The following SYT16 variants were observed in gnomAD, a reference collection of about 807,000 sequenced individuals.
The protein encoded by SYT16 is synaptotagmin-16.
SYT16 carries 42 observed loss-of-function variants against 61.4 expected under a neutral mutation model. That is an observed-to-expected ratio of 0.68 (90% CI 0.53 to 0.89). The LOEUF (loss-of-function observed/expected upper bound fraction) is 0.89, where lower values mean the gene tolerates loss of function less well. SYT16 is among the 40% of genes least tolerant of loss of function. The pLI, the probability that SYT16 is intolerant of heterozygous loss-of-function variation, is 0.00. For synonymous variants in SYT16, 314 were observed against 302.3 expected (o/e 1.04, Z -0.40); for missense variants, 804 against 807.3 (o/e 1.00, Z 0.05).
intron 2 of SYT16, among the ~76,000 whole-genome samples, chr14:61,976,805 T>C (rs1045960296): frequency 1.3e-5 from 2 of 152,186 alleles, no homozygotes; most frequent in Admixed American, 6.5e-5. Flanking sequence ...GTCTTGGTGA[T>C]TAACATTTGG....
intron 3 of SYT16, among the ~76,000 whole-genome samples, chr14:62,067,800 AAAACAAAC>A (rs137880362): frequency 2.6e-4 from 39 of 151,740 alleles, no homozygotes; most frequent in East Asian, 3.9e-4. Context: ...TGTCTCTACT[AAAACAAAC>A]AAACAAACAA....
chr14:61,940,512 C>T (rs2050165917), intron 1 of SYT16, among the ~76,000 whole-genome samples: 1 of 152,106 alleles, frequency 6.6e-6, no homozygotes, highest in African/African-American at 2.4e-5. Flanking sequence ...GGCTCTGACA[C>T]AGCATTCTGC....
At chr14:61,865,189 C>T in intron 1 of SYT16, 1 of 1,152,118 alleles carries the variant, frequency 8.7e-7, no homozygotes, top group Non-Finnish European at 1.3e-6. Context: ...GTGTTTCTGT[C>T]ACTGACTATA....
intron 1 of SYT16, among the ~76,000 whole-genome samples, chr14:61,823,986 C>G (rs951378361): frequency 1.3e-5 from 2 of 152,212 alleles, no homozygotes; most frequent in African/African-American, 4.8e-5. Flanking sequence ...CAACTTAAGA[C>G]TATCCCACTC....
chr14:61,830,737 A>G (rs982218509), intron 1 of SYT16, among the ~76,000 whole-genome samples: 3 of 152,046 alleles, frequency 2.0e-5, no homozygotes, highest in African/African-American at 7.2e-5. Flanking sequence ...CCTACAGTCC[A>G]TGGTGGGTTC....
intron 1 of SYT16, among the ~76,000 whole-genome samples, chr14:61,817,217 G>A (rs988573977): frequency 6.6e-6 from 1 of 151,422 alleles, no homozygotes; most frequent in Non-Finnish European, 1.5e-5. Flanking sequence ...AGGAGTTTGC[G>A]ACCAGCCTGG....
intron 1 of SYT16, among the ~76,000 whole-genome samples, chr14:61,887,465 C>T (rs1171865858): frequency 6.6e-6 from 1 of 152,154 alleles, no homozygotes; most frequent in East Asian, 1.9e-4. Flanking sequence ...TGAAGCCAGG[C>T]GTTGATTTCT....
chr14:62,049,298 G>C (rs1349814565), intron 3 of SYT16, among the ~76,000 whole-genome samples: 10 of 151,892 alleles, frequency 6.6e-5, no homozygotes, highest in African/African-American at 1.7e-4. Flanking sequence ...AGGATTGCAA[G>C]CCCTGCCTTT....
intron 3 of SYT16, among the ~76,000 whole-genome samples, chr14:62,000,257 A>C (rs1381675551): frequency 6.6e-6 from 1 of 151,434 alleles, no homozygotes; most frequent in African/African-American, 2.4e-5. Flanking sequence ...TCTGTTAAGT[A>C]CGTACATGTA....
At position 61,854,410 on chromosome 14, in the gene SYT16, T is replaced by C. The variant is rs201452481; in HGVS notation, c.-325+41600T>C. Among the ~76,000 whole-genome samples, 15 of 152,358 alleles carry C rather than the reference T, an allele frequency of 9.8e-5. No homozygotes were observed. The East Asian group carries it at 2.9e-3, about 29-fold the overall frequency. ...TTTTATTATACTAACTTTACCTAGT[T>C]TTAATCATACTACACACACACGCGC... is the stretch of plus-strand genomic sequence containing the variant. On this transcript the variant is annotated intron_variant, in intron 1 of 7. Coordinates refer to ENST00000683842, the MANE Select transcript of SYT16 (RefSeq NM_001367656.1).
intron 1 of SYT16, chr14:61,865,335 A>G (rs2140295726): frequency 1.0e-5 from 7 of 697,194 alleles, no homozygotes; most frequent in South Asian, 8.8e-5. Flanking sequence ...AGCTCTTAGG[A>G]GAAGCAGTCC....
chr14:62,029,372 A>G (rs2054222940), intron 3 of SYT16, among the ~76,000 whole-genome samples: 3 of 152,132 alleles, frequency 2.0e-5, no homozygotes, highest in Admixed American at 1.3e-4. Context: ...TGTTCTTCCA[A>G]TACTTGGGGC....
intron 3 of SYT16, among the ~76,000 whole-genome samples, chr14:62,062,019 C>T (rs767636601): frequency 4.6e-5 from 7 of 152,056 alleles, no homozygotes; most frequent in African/African-American, 1.2e-4. Context: ...TTATCAGAAC[C>T]GGAATTTTCA....
intron 2 of SYT16, among the ~76,000 whole-genome samples, chr14:61,989,645 G>A (rs2052465813): frequency 2.0e-5 from 3 of 152,162 alleles, no homozygotes; most frequent in Admixed American, 2.0e-4. Flanking sequence ...ATTTTCCTGA[G>A]ATCTTACTAG....
At chr14:61,906,689 A>G (rs970411388) in intron 1 of SYT16, among the ~76,000 whole-genome samples, 1 of 150,870 alleles carries the variant, frequency 6.6e-6, no homozygotes, top group African/African-American at 2.5e-5. Context: ...ACACTAACTC[A>G]AGATGTACCA....
At position 61,941,030 on chromosome 14, in the gene SYT16, G is replaced by A. The variant is rs115482483; in HGVS notation, c.-324-29102G>A. Among the ~76,000 whole-genome samples, 383 of 152,320 alleles carry A rather than the reference G, an allele frequency of 2.5e-3. 3 individuals are homozygous for A. The highest frequency in any genetic ancestry group is 8.7e-3 in the African/African-American group (363 of 41,574). On this transcript the variant is annotated intron_variant, in intron 1 of 7. Transcript: ENST00000683842. ...AAGGACCACTTATTTGGAAGCAAGAGTTACAATCTAAGGGAAAGTTTGGAC... is the reference window on the plus strand; with the variant it reads ...AAGGACCACTTATTTGGAAGCAAGAATTACAATCTAAGGGAAAGTTTGGAC...
In SYT16 at chr14:62,078,138, G is replaced by GCTCT. The variant is rs749939385; in HGVS notation, c.994-2681_994-2678dup. On this transcript the variant is annotated intron_variant, in intron 5 of 7. Coordinates refer to ENST00000683842, the MANE Select transcript of SYT16 (RefSeq NM_001367656.1). ...CTCTCTCTCTCTCTAGTGCTCTCTC[G>GCTCT]CTCTCTCTCTCTCTCTCTATATATA... 2.6e-3 allele frequency among the ~76,000 whole-genome samples: 341 copies of GCTCT among 133,690 alleles called. 7 individuals are homozygous for GCTCT. The East Asian group carries it at 0.065, about 25-fold the overall frequency. The allele number at this position is 133,690 out of a possible 152,430, so 87.7% of individuals were successfully genotyped here. A position where few individuals can be genotyped will look rare whatever the true frequency, so the allele number is the denominator to read the frequency against.
rs369412092 is a variant in SYT16, at chr14:61,901,741, T to TATAATA, written c.-324-68373_-324-68368dup. 8.7e-4 allele frequency among the ~76,000 whole-genome samples: 129 copies of TATAATA among 147,570 alleles called. 1 individual carries two copies. The East Asian group carries it at 0.012, about 13-fold the overall frequency. On this transcript the variant is annotated intron_variant, in intron 1 of 7. Coordinates refer to ENST00000683842, the MANE Select transcript of SYT16 (RefSeq NM_001367656.1). ...AACATGATCATAGTGTTCATCTGCT[T>TATAATA]ATAATAATAATAATAATAATAATTA...
intron 2 of SYT16, among the ~76,000 whole-genome samples, chr14:61,974,739 G>A (rs1595059468): frequency 3.9e-5 from 6 of 152,368 alleles, no homozygotes; most frequent in Admixed American, 3.9e-4. Flanking sequence ...TCAACACTGA[G>A]TTGGGAAGAT....
Sources: allele counts gnomAD v4.1 joint callset (sites outside exome capture counted in the v4.1 genomes callset), GRCh38; gene constraint gnomAD v4.1.1; transcripts MANE v1.5; gene names NCBI Gene and HGNC (gene_info 2026-07-23, HGNC 2026-07-21).